The following ROCK2 variants were observed in gnomAD, a reference collection of about 807,000 sequenced individuals.
ROCK2 encodes rho-associated protein kinase 2.
Under a neutral mutation model 195.1 loss-of-function variants are expected in ROCK2, and 61 were observed. That is an observed-to-expected ratio of 0.31 (90% CI 0.25 to 0.39). The LOEUF (loss-of-function observed/expected upper bound fraction) is 0.39. Among genes scored for constraint, ROCK2 ranks in the 10% least tolerant of loss-of-function variants. ROCK2 has a pLI of 1.00. For synonymous variants in ROCK2, 504 were observed against 545.5 expected, an observed-to-expected ratio of 0.92 and a Z score of 1.06; for missense variants, 1,109 against 1,637.4, an observed-to-expected ratio of 0.68 and a Z score of 5.57.
At chr2:11,278,772 C>T (rs1223869957) in intron 3 of ROCK2, among the ~76,000 whole-genome samples, 1 of 152,142 alleles carries the variant, frequency 6.6e-6, no homozygotes, top group African/African-American at 2.4e-5. Context: ...GCCGCCACGC[C>T]TGGCTAATTT....
intron 3 of ROCK2, among the ~76,000 whole-genome samples, chr2:11,268,146 T>C (rs1666485644): frequency 2.0e-5 from 3 of 152,014 alleles, no homozygotes; most frequent in Non-Finnish European, 2.9e-5. Flanking sequence ...AAGGGAGCCA[T>C]GGCTACAAGA....
At chr2:11,239,618 A>G (rs1665352936) in intron 4 of ROCK2, among the ~76,000 whole-genome samples, 1 of 152,236 alleles carries the variant, frequency 6.6e-6, no homozygotes, top group African/African-American at 2.4e-5. Flanking sequence ...AAAAAGTGGA[A>G]GCAATTCAAA....
chr2:11,240,205 C>G (rs1665373907), intron 4 of ROCK2, among the ~76,000 whole-genome samples: 1 of 152,182 alleles, frequency 6.6e-6, no homozygotes, highest in Admixed American at 6.5e-5. Flanking sequence ...CCCGGGAGGT[C>G]TGGCAGCTAA....
intron 27 of ROCK2, chr2:11,195,251 A>G (rs1663585196): frequency 3.5e-6 from 1 of 284,370 alleles, no homozygotes; most frequent in South Asian, 1.6e-4. Context: ...GATAGTCTAT[A>G]CTTTTATAAA....
intron 1 of ROCK2, among the ~76,000 whole-genome samples, chr2:11,318,423 G>A (rs1381587701): frequency 1.3e-5 from 2 of 152,176 alleles, no homozygotes; most frequent in East Asian, 3.8e-4. Flanking sequence ...TTTGAGAAGT[G>A]TCTGTTCATG....
chr2:11,195,823 A>G (rs1360645132), intron 27 of ROCK2, among the ~76,000 whole-genome samples: 1 of 152,248 alleles, frequency 6.6e-6, no homozygotes, highest in Non-Finnish European at 1.5e-5. Context: ...CCAATTACGT[A>G]CATTTTAGAT....
At chr2:11,259,574 T>C (rs1666152574) in intron 3 of ROCK2, among the ~76,000 whole-genome samples, 1 of 151,416 alleles carries the variant, frequency 6.6e-6, no homozygotes, top group Admixed American at 6.6e-5. Flanking sequence ...AGTATCATAA[T>C]ACCCATCATA....
At position 11,295,990 on chromosome 2, in the gene ROCK2, GGA is replaced by G. The variant is rs1553313928; in HGVS notation, c.142-8256_142-8255del. 1.9e-3 allele frequency among the ~76,000 whole-genome samples: 53 copies of G among 28,410 alleles called. 2 individuals carry two copies. The highest frequency in any genetic ancestry group is 4.0e-3 in the African/African-American group (49 of 12,284). The allele number at this position is 28,410 out of a possible 152,430, so 18.6% of individuals were successfully genotyped here. A position where few individuals can be genotyped will look rare whatever the true frequency, so the allele number is the denominator to read the frequency against. ...AAAGAGAGAGAGAGAGAGAGAGAGAGGAGAGAGAGAGAGAGGAGAGAGAGAGA... is the reference window on the plus strand; with the variant it reads ...AAAGAGAGAGAGAGAGAGAGAGAGAGGAGAGAGAGAGAGGAGAGAGAGAGA... On this transcript the variant is annotated intron_variant, in intron 1 of 32. Transcript: ENST00000315872.
chr2:11,232,637 T>C (rs1665060490), intron 5 of ROCK2, among the ~76,000 whole-genome samples: 1 of 152,172 alleles, frequency 6.6e-6, no homozygotes, highest in South Asian at 2.1e-4. Context: ...GGAATGGAGA[T>C]CTGGGGTAAA....
intron 3 of ROCK2, among the ~76,000 whole-genome samples, chr2:11,286,301 C>G: frequency 6.9e-6 from 1 of 145,192 alleles, no homozygotes; most frequent in Non-Finnish European, 1.5e-5. Flanking sequence ...ATAGTAACTG[C>G]TAGGCAGATC....
chr2:11,217,607 G>A (rs1664477958), intron 11 of ROCK2, among the ~76,000 whole-genome samples: 2 of 152,048 alleles, frequency 1.3e-5, no homozygotes, highest in Non-Finnish European at 2.9e-5. Context: ...TCAAAGTAAA[G>A]AATATAAGCT....
rs200302902 is a variant in ROCK2 at position 11,343,970 on chromosome 2, C to G, written c.141+26G>C. On this transcript the variant is annotated intron_variant, in intron 1 of 32. Coordinates refer to ENST00000315872, the MANE Select transcript of ROCK2 (RefSeq NM_004850.5). The stretch of plus-strand genomic sequence containing the variant: ...GATCTGAGGTGTGAGCTGCAACGAG[C>G]AAGCTCCCAGGCCCCGGCCACCTAC... 1.5e-3 allele frequency: 2,422 copies of G among 1,583,210 alleles called. 37 individuals are homozygous for G. The African/African-American group carries it at 0.03, about 20-fold the overall frequency.
intron 5 of ROCK2, among the ~76,000 whole-genome samples, chr2:11,232,564 T>C (rs889760521): frequency 6.6e-6 from 1 of 152,372 alleles, no homozygotes; most frequent in Non-Finnish European, 1.5e-5. Flanking sequence ...CAATGTACTA[T>C]AGTTTTTAAT....
At chr2:11,241,699 C>T (rs1665433804) in intron 4 of ROCK2, among the ~76,000 whole-genome samples, 1 of 152,146 alleles carries the variant, frequency 6.6e-6, no homozygotes, top group South Asian at 2.1e-4. Flanking sequence ...GTTGGAACAA[C>T]TGAATATCCA....
At chr2:11,316,110 T>C (rs745425101) in intron 1 of ROCK2, among the ~76,000 whole-genome samples, 65 of 152,258 alleles carry the variant, frequency 4.3e-4, no homozygotes, top group Admixed American at 1.6e-3. Flanking sequence ...TCAATACAAC[T>C]ACCCTCAACT....
intron 1 of ROCK2, among the ~76,000 whole-genome samples, chr2:11,290,655 C>G (rs1047359307): frequency 8.6e-5 from 13 of 151,900 alleles, no homozygotes; most frequent in African/African-American, 2.9e-4. Flanking sequence ...AAATGCCAAG[C>G]AATGGGTACG....
At chr2:11,256,974 T>C (rs190711785) in intron 3 of ROCK2, among the ~76,000 whole-genome samples, 2 of 151,464 alleles carry the variant, frequency 1.3e-5, no homozygotes, top group Non-Finnish European at 2.9e-5. Flanking sequence ...AATGCAGGGA[T>C]AGTAGGCTAG....
At chr2:11,214,553 T>C in intron 16 of ROCK2, 90 bp from the exon 17 acceptor site, 2 of 760,660 alleles carry the variant, frequency 2.6e-6, no homozygotes, top group Non-Finnish European at 4.3e-6. Context: ...ACCTTCTATT[T>C]TGGAGCTGTT....
Position 11,229,606 on chromosome 2 carries a change from A to G in ROCK2, c.724-2208T>C, listed in dbSNP as rs115055266. On this transcript the variant is annotated intron_variant, in intron 5 of 32. Transcript: ENST00000315872. ...TTAAAACCAATCAGGATGTGGGGGG[A>G]ACTCTAAATGCAACACAAAAAAAAA... 6.2e-3 allele frequency among the ~76,000 whole-genome samples: 943 copies of G among 151,488 alleles called. 14 individuals are homozygous for G. The highest frequency in any genetic ancestry group is 0.022 in the African/African-American group (905 of 41,120).
Sources: gnomAD v4.1 joint callset for allele counts (sites outside exome capture counted in the v4.1 genomes callset) on GRCh38, gnomAD v4.1.1 for gene constraint, MANE v1.5 for transcripts, NCBI Gene and HGNC (gene_info 2026-07-23, HGNC 2026-07-21) for gene names.